The following RTL10 variants were observed in gnomAD, a reference collection of about 807,000 sequenced individuals.
RTL10 encodes protein Bop.
For synonymous variants in RTL10, 199 were observed against 188.4 expected (o/e 1.06, Z -0.46); for missense variants, 477 against 470.7 (o/e 1.01, Z -0.12).
Position 19,849,692 on chromosome 22 carries a change from G to A in RTL10, c.*1475C>T. The A allele has an allele frequency of 1.0e-6, 1 of 985,300 alleles. No individual in the cohort carries two copies. Among genetic ancestry groups the A allele is most frequent in the Non-Finnish European group, 1.2e-6 (1 of 829,802 alleles). 61.0% of individuals were successfully genotyped at this position (985,300 alleles called of 1,614,324 possible). On this transcript the variant is annotated 3_prime_UTR_variant, in exon 3 of 3. Coordinates refer to ENST00000328554, the MANE Select transcript of RTL10 (RefSeq NM_024627.6). ...AGTTTCTGAATAAGTTTAATCAGAT[G>A]CTTGCTAATTAGTTTTTCCTAAAAT...
chr22:19,852,433 GAGAGCTGAGA>G lies in RTL10; in HGVS notation c.-182_-173del. On this transcript the variant is annotated 5_prime_UTR_variant, in exon 3 of 3. Transcript: ENST00000328554. ...AGGGAGCTGACAGCTGCAGCCTCAG[GAGAGCTGAGA>G]AGAGCTGAGAGACTGTCAGTCGCAG... 1 of 669,084 alleles carries G rather than the reference GAGAGCTGAGA, an allele frequency of 1.5e-6. No individual in the cohort carries two copies. The highest frequency in any genetic ancestry group is 2.1e-5 in the South Asian group (1 of 48,414). The allele number at this position is 669,084 out of a possible 1,614,324, so 41.4% of individuals were successfully genotyped here.
rs779893435 is a variant in RTL10, at chr22:19,851,624, C to T, written c.638G>A (p.Arg213Lys). ...LPVAPQLPVVRQYLARFLEGL... is the reference protein window; with the variant it reads ...LPVAPQLPVVKQYLARFLEGL... ...CTCTAAGAACCTAGCTAAGTATTGCCTCACCACAGGCAGCTGAGGGGCCAC... is the reference window on the plus strand; with the variant it reads ...CTCTAAGAACCTAGCTAAGTATTGCTTCACCACAGGCAGCTGAGGGGCCAC... The change falls in exon 3 of 3, where the codon AGG (arginine) becomes AAG (lysine). Residue 213 changes from arginine (R) to lysine (K), a missense_variant. By Grantham distance (26) the Arg-to-Lys change is conservative (BLOSUM62 2). Coordinates refer to ENST00000328554, the MANE Select transcript of RTL10 (RefSeq NM_024627.6). 7 of 1,594,652 alleles carry T rather than the reference C, an allele frequency of 4.4e-6. No homozygotes were observed. Among genetic ancestry groups the T allele is most frequent in the African/African-American group, 4.0e-5 (3 of 74,452 alleles).
At chr22:19,853,530 C>T (rs1017212281) in intron 2 of RTL10, among the ~76,000 whole-genome samples, 1 of 152,196 alleles carries the variant, frequency 6.6e-6, no homozygotes, top group East Asian at 1.9e-4. Context: ...CAAACGCCAC[C>T]GGCTCACTGG....
Position 19,849,624 on chromosome 22 carries a change from C to G in RTL10, c.*1543G>C, listed in dbSNP as rs551978116. 1.1e-6 allele frequency: 1 copy of G among 945,270 alleles called. No individual in the cohort carries two copies. The highest frequency in any genetic ancestry group is 6.2e-5 in the Admixed American group (1 of 16,236). 58.6% of individuals were successfully genotyped at this position (945,270 alleles called of 1,614,324 possible). On this transcript the variant is annotated 3_prime_UTR_variant, in exon 3 of 3. Coordinates refer to ENST00000328554, the MANE Select transcript of RTL10 (RefSeq NM_024627.6). Reference sequence around the variant, plus strand: ...TCAGGTGATCCACCCACCTTGGCCTCCCAGAGTGCTGGGATTACAGGTGTG... The same window carrying G: ...TCAGGTGATCCACCCACCTTGGCCTGCCAGAGTGCTGGGATTACAGGTGTG...
rs1938045130 is a variant in RTL10 at position 19,849,485 on chromosome 22, C to G, written c.*1682G>C. Reference sequence around the variant, plus strand: ...CTGGGTTCAAGCAATTCTTCTGCCTCAGCCTCCCAAGTAGCTGAGATTACA... The same window carrying G: ...CTGGGTTCAAGCAATTCTTCTGCCTGAGCCTCCCAAGTAGCTGAGATTACA... On this transcript the variant is annotated 3_prime_UTR_variant, in exon 3 of 3. Coordinates refer to ENST00000328554, the MANE Select transcript of RTL10 (RefSeq NM_024627.6). The G allele has an allele frequency of 3.4e-6, 1 of 291,700 alleles. No homozygotes were observed. Among genetic ancestry groups the G allele is most frequent in the South Asian group, 1.3e-4 (1 of 7,460 alleles). 18.1% of individuals were successfully genotyped at this position (291,700 alleles called of 1,614,324 possible).
At position 19,851,634 on chromosome 22, in the gene RTL10, G is replaced by A; in HGVS notation, c.628C>T (p.Pro210Ser). 2.5e-6 allele frequency: 4 copies of A among 1,593,818 alleles called. No individual in the cohort carries two copies. The highest frequency in any genetic ancestry group is 3.4e-6 in the Non-Finnish European group (4 of 1,168,100). ...CTAGCTAAGTATTGCCTCACCACAG[G>A]CAGCTGAGGGGCCACTGGCAGCTGG... Reference protein sequence around the residue: ...SSQLPVAPQLPVVRQYLARFL... With the variant: ...SSQLPVAPQLSVVRQYLARFL... The change falls in exon 3 of 3, where the codon CCT becomes TCT. Residue 210 changes from proline to serine, a missense_variant. Coordinates refer to ENST00000328554, the MANE Select transcript of RTL10 (RefSeq NM_024627.6).
chr22:19,846,680 G>T lies in RTL10; in HGVS notation c.*4487C>A. 1.9e-6 allele frequency: 1 copy of T among 526,196 alleles called. No homozygotes were observed. The allele number at this position is 526,196 out of a possible 1,614,324, so 32.6% of individuals were successfully genotyped here. A position where few individuals can be genotyped will look rare whatever the true frequency, so the allele number is the denominator to read the frequency against. Reference sequence around the variant, plus strand: ...AAGAGGTAATTCAGGGTTAAATGAGGTCATGAGGGTGGGCCCTGATCCAAT... The same window carrying T: ...AAGAGGTAATTCAGGGTTAAATGAGTTCATGAGGGTGGGCCCTGATCCAAT... On this transcript the variant is annotated 3_prime_UTR_variant, in exon 3 of 3. Coordinates refer to ENST00000328554, the MANE Select transcript of RTL10 (RefSeq NM_024627.6).
intron 2 of RTL10, among the ~76,000 whole-genome samples, chr22:19,853,636 T>G (rs1231597921): frequency 6.6e-6 from 1 of 152,026 alleles, no homozygotes; most frequent in Admixed American, 6.5e-5. Context: ...CAGGGTGGCC[T>G]GCAGCACTAG....
Position 19,850,886 on chromosome 22 carries a change from C to T in RTL10, c.*281G>A, listed in dbSNP as rs1044702117. The T allele has an allele frequency of 8.6e-5, 115 of 1,332,974 alleles. No homozygotes were observed. Among genetic ancestry groups the T allele is most frequent in the Non-Finnish European group, 1.1e-4 (110 of 1,046,266 alleles). 82.6% of individuals were successfully genotyped at this position (1,332,974 alleles called of 1,614,324 possible). On this transcript the variant is annotated 3_prime_UTR_variant, in exon 3 of 3. Coordinates refer to ENST00000328554, the MANE Select transcript of RTL10 (RefSeq NM_024627.6). Reference sequence around the variant, plus strand: ...GAGTTGATCTACAAAACGACCCCCTCGTGGGAGCAGGCCTGGGTGAGACGG... The same window carrying T: ...GAGTTGATCTACAAAACGACCCCCTTGTGGGAGCAGGCCTGGGTGAGACGG...
Position 19,850,075 on chromosome 22 carries a change from C to T in RTL10, c.*1092G>A, listed in dbSNP as rs577727594. On this transcript the variant is annotated 3_prime_UTR_variant, in exon 3 of 3. Coordinates refer to ENST00000328554, the MANE Select transcript of RTL10 (RefSeq NM_024627.6). ...TACCTGCAGAGCCACCCACCCCCTA[C>T]TCAGCCCCACCCAGCTTCTTTGATC... 5.1e-6 allele frequency: 5 copies of T among 982,478 alleles called. No homozygotes were observed. In the African/African-American group the frequency reaches 7.0e-5, roughly 14 times the overall value. The allele number at this position is 982,478 out of a possible 1,614,324, so 60.9% of individuals were successfully genotyped here. A position where few individuals can be genotyped will look rare whatever the true frequency, so the allele number is the denominator to read the frequency against.
chr22:19,852,152 ACC>A lies in RTL10; in HGVS notation c.108_109del (p.Val37GlyfsTer11). 6.2e-7 allele frequency: 1 copy of A among 1,614,056 alleles called. No homozygotes were observed. Among genetic ancestry groups the A allele is most frequent in the Non-Finnish European group, 8.5e-7 (1 of 1,180,032 alleles). ...GGGATCCACAAGGGGGGTGTATGCC[ACC>A]CCAGGAGACGCCTTGTCCATCTGCT... On this transcript the variant is annotated frameshift_variant, in exon 3 of 3. Coordinates refer to ENST00000328554, the MANE Select transcript of RTL10 (RefSeq NM_024627.6). LOFTEE classifies it low-confidence loss of function (END_TRUNC).
rs1938074110 is a variant in RTL10, at chr22:19,850,719, C to A, written c.*448G>T. ...AGCAGAGAGGGTGGGGCTAGGGGGA[C>A]AGACACAGAAACCCCATACAGGAAC... On this transcript the variant is annotated 3_prime_UTR_variant, in exon 3 of 3. Coordinates refer to ENST00000328554, the MANE Select transcript of RTL10 (RefSeq NM_024627.6). The A allele has an allele frequency of 3.2e-6, 4 of 1,236,262 alleles. No individual in the cohort carries two copies. The East Asian group carries it at 9.4e-5, about 29-fold the overall frequency. 76.6% of individuals were successfully genotyped at this position (1,236,262 alleles called of 1,614,324 possible).
rs548367897 is a variant in RTL10, at chr22:19,847,349, G to T, written c.*3818C>A. 4 of 985,426 alleles carry T rather than the reference G, an allele frequency of 4.1e-6. No individual in the cohort carries two copies. The highest frequency in any genetic ancestry group is 3.5e-5 in the African/African-American group (2 of 57,358). The allele number at this position is 985,426 out of a possible 1,614,324, so 61.0% of individuals were successfully genotyped here. A position where few individuals can be genotyped will look rare whatever the true frequency, so the allele number is the denominator to read the frequency against. On this transcript the variant is annotated 3_prime_UTR_variant, in exon 3 of 3. Transcript: ENST00000328554. ...ATCCTGCAGGGTAACAGCTTTATTT[G>T]CCTTGCTCCTTTATTGCTGGATCTT... is the stretch of plus-strand genomic sequence containing the variant.
Position 19,849,030 on chromosome 22 carries a change from G to A in RTL10, c.*2137C>T. Reference sequence around the variant, plus strand: ...CAGTCTGACCCAACCCACAAAAGGGGGGATGGGGCCTGAGTCATCGGACGG... The same window carrying A: ...CAGTCTGACCCAACCCACAAAAGGGAGGATGGGGCCTGAGTCATCGGACGG... On this transcript the variant is annotated 3_prime_UTR_variant, in exon 3 of 3. Coordinates refer to ENST00000328554, the MANE Select transcript of RTL10 (RefSeq NM_024627.6). 1.0e-6 allele frequency: 1 copy of A among 985,522 alleles called. No homozygotes were observed. The highest frequency in any genetic ancestry group is 1.2e-6 in the Non-Finnish European group (1 of 829,988). The allele number at this position is 985,522 out of a possible 1,614,324, so 61.0% of individuals were successfully genotyped here. A position where few individuals can be genotyped will look rare whatever the true frequency, so the allele number is the denominator to read the frequency against.
chr22:19,851,400 C>T lies in RTL10; in HGVS notation c.862G>A (p.Ala288Thr). 1 of 1,614,070 alleles carries T rather than the reference C, an allele frequency of 6.2e-7. No individual in the cohort carries two copies. The highest frequency in any genetic ancestry group is 1.1e-5 in the South Asian group (1 of 91,076). Residue 288 changes from alanine (A) to threonine (T), a missense_variant, in exon 3 of 3, where the codon GCC becomes ACC. Coordinates refer to ENST00000328554, the MANE Select transcript of RTL10 (RefSeq NM_024627.6). ...GCTGCCTCCTCTGGCTGGGAAGAGG[C>T]TGGTTCCACAGGACCAGGCTTGGAG... ...CSSKPGPVEPASSQPEEAAPT... is the reference protein window; with the variant it reads ...CSSKPGPVEPTSSQPEEAAPT...
In RTL10 at chr22:19,847,189, T is replaced by G; in HGVS notation, c.*3978A>C. The G allele has an allele frequency of 1.0e-6, 1 of 985,456 alleles. No homozygotes were observed. Among genetic ancestry groups the G allele is most frequent in the Non-Finnish European group, 1.2e-6 (1 of 829,936 alleles). 61.0% of individuals were successfully genotyped at this position (985,456 alleles called of 1,614,324 possible). ...CATGGAGAAATATGTCCAGGTAGGC[T>G]GTCGTCAGCACAGGTCTGACAGGCC... On this transcript the variant is annotated 3_prime_UTR_variant, in exon 3 of 3. Transcript: ENST00000328554.
Position 19,848,063 on chromosome 22 carries a change from T to C in RTL10, c.*3104A>G, listed in dbSNP as rs1326687637. Reference sequence around the variant, plus strand: ...TCTATTCTCTGCTCATCTGTCCACATCTAAGTGCTTTAACTATTGTGGCTT... The same window carrying C: ...TCTATTCTCTGCTCATCTGTCCACACCTAAGTGCTTTAACTATTGTGGCTT... On this transcript the variant is annotated 3_prime_UTR_variant, in exon 3 of 3. Transcript: ENST00000328554. 1 of 985,278 alleles carries C rather than the reference T, an allele frequency of 1.0e-6. No individual in the cohort carries two copies. The highest frequency in any genetic ancestry group is 1.2e-6 in the Non-Finnish European group (1 of 829,888). The allele number at this position is 985,278 out of a possible 1,614,324, so 61.0% of individuals were successfully genotyped here.
chr22:19,850,487 A>G lies in RTL10; in HGVS notation c.*680T>C, dbSNP rs1938068361. 9.7e-7 allele frequency: 1 copy of G among 1,026,526 alleles called. No individual in the cohort carries two copies. The highest frequency in any genetic ancestry group is 1.2e-6 in the Non-Finnish European group (1 of 857,356). 63.6% of individuals were successfully genotyped at this position (1,026,526 alleles called of 1,614,324 possible). On this transcript the variant is annotated 3_prime_UTR_variant, in exon 3 of 3. Coordinates refer to ENST00000328554, the MANE Select transcript of RTL10 (RefSeq NM_024627.6). ...ATTAGAGCTACAGTGTTAACACACA[A>G]AGGGCGAATGCCTGCAGCTGAGCCT...
chr22:19,849,080 A>T lies in RTL10; in HGVS notation c.*2087T>A. On this transcript the variant is annotated 3_prime_UTR_variant, in exon 3 of 3. Coordinates refer to ENST00000328554, the MANE Select transcript of RTL10 (RefSeq NM_024627.6). The stretch of plus-strand genomic sequence containing the variant: ...GAGGGCAGCTGTGACCTGGCACAGA[A>T]GCATGGGGCTGGGCCAGGACATCCA... 1.0e-6 allele frequency: 1 copy of T among 985,454 alleles called. No homozygotes were observed. The highest frequency in any genetic ancestry group is 1.2e-6 in the Non-Finnish European group (1 of 829,920). The allele number at this position is 985,454 out of a possible 1,614,324, so 61.0% of individuals were successfully genotyped here. A position where few individuals can be genotyped will look rare whatever the true frequency, so the allele number is the denominator to read the frequency against.
Sources: allele counts gnomAD v4.1 joint callset (sites outside exome capture counted in the v4.1 genomes callset), GRCh38; gene constraint gnomAD v4.1.1; transcripts MANE v1.5; gene names NCBI Gene and HGNC (gene_info 2026-07-23, HGNC 2026-07-21).